HMCN1: variants seen among roughly 807,000 people sequenced by gnomAD.
The protein encoded by HMCN1 is hemicentin 1, also known as hemicentin-1.
Under a neutral mutation model 625.9 loss-of-function variants are expected in HMCN1, and 321 were observed. That is an observed-to-expected ratio of 0.51 (90% CI 0.47 to 0.56). HMCN1 has a LOEUF of 0.56. Among genes scored for constraint, HMCN1 ranks in the 20% least tolerant of loss-of-function variants. The pLI is 0.00. For missense variants in HMCN1, 6,588 were observed against 6,887.3 expected (o/e 0.96, Z 1.54); for synonymous variants, 2,425 against 2,417.6 (o/e 1.00, Z -0.09).
At chr1:186,127,090 C>A (rs767871627) in intron 82 of HMCN1, among the ~76,000 whole-genome samples, 1 of 151,938 alleles carries the variant, frequency 6.6e-6, no homozygotes, top group Non-Finnish European at 1.5e-5. Flanking sequence ...AAGAATGACT[C>A]AAATGTTTGA....
chr1:185,976,191 G>C (rs1262190762), intron 15 of HMCN1, among the ~76,000 whole-genome samples: 3 of 152,106 alleles, frequency 2.0e-5, no homozygotes, highest in African/African-American at 7.2e-5. Flanking sequence ...TGGCATCATA[G>C]AGGAGGGGCC....
intron 1 of HMCN1, among the ~76,000 whole-genome samples, chr1:185,789,299 C>G (rs1657834258): frequency 6.6e-6 from 1 of 152,080 alleles, no homozygotes; most frequent in Admixed American, 6.6e-5. Flanking sequence ...TGTAGCTTGT[C>G]AAGTTTCAGG....
At chr1:185,786,497 G>T (rs55682041) in intron 1 of HMCN1, among the ~76,000 whole-genome samples, 1 of 152,076 alleles carries the variant, frequency 6.6e-6, no homozygotes, top group African/African-American at 2.4e-5. Context: ...TCTGGGCTTC[G>T]TTGTCTCATC....
At position 185,983,129 on chromosome 1, in the gene HMCN1, T is replaced by G. The variant is rs183146855; in HGVS notation, c.2790+740T>G. 7.4e-4 allele frequency among the ~76,000 whole-genome samples: 113 copies of G among 152,284 alleles called. 1 individual carries two copies. Among genetic ancestry groups the G allele is most frequent in the Non-Finnish European group, 3.5e-4 (24 of 68,024 alleles). On this transcript the variant is annotated intron_variant, in intron 18 of 106. Coordinates refer to ENST00000271588, the MANE Select transcript of HMCN1 (RefSeq NM_031935.3). Reference sequence around the variant, plus strand: ...TTTAAACATATCTCTCATTATGAACTATATAAAAATGTAGATATATATTGT... The same window carrying G: ...TTTAAACATATCTCTCATTATGAACGATATAAAAATGTAGATATATATTGT...
chr1:186,088,312 T>A (rs188053862), intron 62 of HMCN1, 36 bp downstream of exon 62: 3 of 1,609,050 alleles, frequency 1.9e-6, no homozygotes, highest in Admixed American at 3.3e-5. Flanking sequence ...GTGTGTGTGT[T>A]TTTTTCTCTT....
At chr1:185,876,292 C>T (rs1276037639) in intron 4 of HMCN1, among the ~76,000 whole-genome samples, 2 of 152,044 alleles carry the variant, frequency 1.3e-5, no homozygotes, top group East Asian at 3.8e-4. Flanking sequence ...ATATACACCA[C>T]ATTTTCTTTA....
chr1:185,917,132 A>G (rs764810994), intron 6 of HMCN1, among the ~76,000 whole-genome samples: 5 of 152,126 alleles, frequency 3.3e-5, no homozygotes, highest in Non-Finnish European at 5.9e-5. Flanking sequence ...GGAATCAGCT[A>G]TGATGGGAAT....
intron 1 of HMCN1, among the ~76,000 whole-genome samples, chr1:185,831,993 G>A (rs1307571123): frequency 4.6e-5 from 7 of 152,118 alleles, no homozygotes; most frequent in Admixed American, 2.0e-4. Flanking sequence ...GATATAGATT[G>A]GCTGATCTAA....
chr1:185,951,208 G>C (rs1336599579), intron 11 of HMCN1, among the ~76,000 whole-genome samples: 3 of 151,308 alleles, frequency 2.0e-5, no homozygotes, highest in Non-Finnish European at 2.9e-5. Flanking sequence ...GCGGCAATGA[G>C]ATATAGCTGT....
At chr1:185,824,247 T>C (rs1011685355) in intron 1 of HMCN1, among the ~76,000 whole-genome samples, 1 of 152,178 alleles carries the variant, frequency 6.6e-6, no homozygotes, top group African/African-American at 2.4e-5. Context: ...TTAAACAAGA[T>C]TGGAGCTCAA....
At chr1:186,034,689 G>C (rs1381944230) in intron 36 of HMCN1, among the ~76,000 whole-genome samples, 3 of 152,118 alleles carry the variant, frequency 2.0e-5, no homozygotes, top group African/African-American at 4.8e-5. Context: ...GAGAGAGGGT[G>C]ACAGGGCTAG....
chr1:185,878,520 C>A (rs1161823793), intron 4 of HMCN1, among the ~76,000 whole-genome samples: 1 of 151,916 alleles, frequency 6.6e-6, no homozygotes, highest in Non-Finnish European at 1.5e-5. Flanking sequence ...GTTTTTAATT[C>A]TGTTTGTTTA....
At chr1:185,812,867 T>C (rs1659613241) in intron 1 of HMCN1, among the ~76,000 whole-genome samples, 1 of 152,256 alleles carries the variant, frequency 6.6e-6, no homozygotes, top group South Asian at 2.1e-4. Context: ...AGACCTAATT[T>C]TTTTATGTAA....
intron 8 of HMCN1, among the ~76,000 whole-genome samples, chr1:185,924,215 C>A (rs78401280): frequency 2.3e-5 from 1 of 43,650 alleles, no homozygotes; most frequent in Non-Finnish European, 4.1e-5. Context: ...CTGACCCAAT[C>A]TTTTTTTTTT....
At chr1:185,827,044 C>T (rs983094176) in intron 1 of HMCN1, among the ~76,000 whole-genome samples, 2 of 151,562 alleles carry the variant, frequency 1.3e-5, no homozygotes, top group East Asian at 3.9e-4. Context: ...GGCGTGGTAG[C>T]GCCTGTAGTC....
intron 1 of HMCN1, among the ~76,000 whole-genome samples, chr1:185,766,074 TAAAAC>T (rs1172350142): frequency 1.3e-5 from 2 of 152,102 alleles, no homozygotes; most frequent in Admixed American, 6.6e-5. Context: ...AATATATAAT[TAAAAC>T]AAACACATTA....
intron 1 of HMCN1, among the ~76,000 whole-genome samples, chr1:185,827,222 A>C (rs371860266): frequency 6.6e-6 from 1 of 151,546 alleles, no homozygotes; most frequent in Non-Finnish European, 1.5e-5. Context: ...TGAGGAAATG[A>C]AGAGGGAAAC....
intron 1 of HMCN1, among the ~76,000 whole-genome samples, chr1:185,768,644 C>CA (rs1459262235): frequency 2.6e-5 from 4 of 152,190 alleles, no homozygotes; most frequent in African/African-American, 9.7e-5. Context: ...CTCTCAAAGT[C>CA]AAGATGGCCA....
intron 53 of HMCN1, 55 bp from the exon 54 acceptor site, chr1:186,076,373 A>C (rs1187667859): frequency 6.7e-7 from 1 of 1,502,920 alleles, no homozygotes; most frequent in African/African-American, 1.4e-5. Context: ...AACACAGCCA[A>C]GATCTTTGTT....
Sources: allele counts gnomAD v4.1 joint callset (sites outside exome capture counted in the v4.1 genomes callset), GRCh38; gene constraint gnomAD v4.1.1; transcripts MANE v1.5; gene names NCBI Gene and HGNC (gene_info 2026-07-23, HGNC 2026-07-21).